DSCAM: variants seen among roughly 807,000 people sequenced by gnomAD.
DSCAM encodes DS cell adhesion molecule.
DSCAM carries 47 observed loss-of-function variants against 217.7 expected under a neutral mutation model. That is an observed-to-expected ratio of 0.22 (90% confidence interval 0.17 to 0.28). DSCAM has a LOEUF of 0.28. Ranked by LOEUF, DSCAM falls within the 10% of genes least tolerant of loss-of-function variation. DSCAM has a pLI of 1.00. For missense variants in DSCAM, 2,080 were observed against 2,618.3 expected, an observed-to-expected ratio of 0.79 and a Z score of 4.49; for synonymous variants, 1,056 against 1,015.3, an observed-to-expected ratio of 1.04 and a Z score of -0.76.
chr21:40,808,855 C>G (rs376402057), intron 1 of DSCAM, among the ~76,000 whole-genome samples: 4 of 152,176 alleles, frequency 2.6e-5, no homozygotes, highest in African/African-American at 9.7e-5. Flanking sequence ...ACCCCAAAGG[C>G]AAACGCCATT....
intron 3 of DSCAM, among the ~76,000 whole-genome samples, chr21:40,463,813 G>T (rs779578554): frequency 6.6e-6 from 1 of 152,156 alleles, no homozygotes; most frequent in Non-Finnish European, 1.5e-5. Flanking sequence ...TCCATCATTT[G>T]TCTTCTCATC....
At chr21:40,255,281 G>A (rs555506408) in intron 11 of DSCAM, among the ~76,000 whole-genome samples, 1 of 152,196 alleles carries the variant, frequency 6.6e-6, no homozygotes, top group South Asian at 2.1e-4. Context: ...TCATGAAGCC[G>A]GGTTCCGCTC....
At chr21:40,537,800 T>C (rs949322564) in intron 3 of DSCAM, among the ~76,000 whole-genome samples, 4 of 152,194 alleles carry the variant, frequency 2.6e-5, no homozygotes, top group Non-Finnish European at 1.5e-5. Context: ...GCTGACTCCT[T>C]GATCTCAGAA....
intron 3 of DSCAM, among the ~76,000 whole-genome samples, chr21:40,536,235 G>A (rs2076495157): frequency 6.6e-6 from 1 of 152,104 alleles, no homozygotes; most frequent in South Asian, 2.1e-4. Flanking sequence ...GTTGAGTTGT[G>A]ACCCCCTAAA....
chr21:40,841,316 G>A (rs917099423), intron 1 of DSCAM, among the ~76,000 whole-genome samples: 7 of 152,128 alleles, frequency 4.6e-5, no homozygotes, highest in African/African-American at 1.7e-4. Flanking sequence ...AATTCAGAAC[G>A]ACATAGTGGA....
chr21:40,507,202 TG>T (rs1486862706), intron 3 of DSCAM, among the ~76,000 whole-genome samples: 5 of 151,942 alleles, frequency 3.3e-5, no homozygotes, highest in South Asian at 4.2e-4. Flanking sequence ...GCTTAAACCC[TG>T]GAGGCAGAGG....
At chr21:40,541,262 T>C (rs1164057175) in intron 3 of DSCAM, among the ~76,000 whole-genome samples, 1 of 152,210 alleles carries the variant, frequency 6.6e-6, no homozygotes, top group Non-Finnish European at 1.5e-5. Context: ...ATTGCCTCTA[T>C]TTCAATACTT....
rs112608186 is a variant in DSCAM at position 40,370,663 on chromosome 21, C to T, written c.509-1418G>A. The stretch of plus-strand genomic sequence containing the variant: ...TGAGATAAGGTCTGGCTGTATTATC[C>T]AGGCTGTGGTGCAGTGGTATCATCT... On this transcript the variant is annotated intron_variant, in intron 3 of 32. Transcript: ENST00000400454. Among the ~76,000 whole-genome samples the T allele has an allele frequency of 5.2e-3, 785 of 151,966 alleles. 3 individuals are homozygous for T. The highest frequency in any genetic ancestry group is 0.017 in the African/African-American group (715 of 41,404).
At chr21:40,834,236 G>T (rs947029629) in intron 1 of DSCAM, among the ~76,000 whole-genome samples, 2 of 151,492 alleles carry the variant, frequency 1.3e-5, no homozygotes, top group Non-Finnish European at 2.9e-5. Flanking sequence ...GTGAAACCCC[G>T]TCTCTACTAA....
chr21:40,396,965 A>C (rs905082654), intron 3 of DSCAM, among the ~76,000 whole-genome samples: 1 of 152,148 alleles, frequency 6.6e-6, no homozygotes, highest in Non-Finnish European at 1.5e-5. Flanking sequence ...GAGGTACCAG[A>C]CCCTCACCTA....
At chr21:40,320,903 T>C (rs1473204874) in intron 8 of DSCAM, among the ~76,000 whole-genome samples, 2 of 152,180 alleles carry the variant, frequency 1.3e-5, no homozygotes, top group Non-Finnish European at 2.9e-5. Context: ...AGTCACCATC[T>C]CTGTTCATTT....
chr21:40,013,928 T>TTACC (rs1400871129), intron 32 of DSCAM, among the ~76,000 whole-genome samples: 1 of 152,238 alleles, frequency 6.6e-6, no homozygotes, highest in Non-Finnish European at 1.5e-5. Flanking sequence ...TATGGCCTTC[T>TTACC]TACCAGGCCC....
At chr21:40,479,906 AT>A (rs1569140717) in intron 3 of DSCAM, among the ~76,000 whole-genome samples, 1 of 152,214 alleles carries the variant, frequency 6.6e-6, no homozygotes, top group Non-Finnish European at 1.5e-5. Context: ...GTACATGCGT[AT>A]GCATGTACGC....
chr21:40,519,806 G>A (rs940120154), intron 3 of DSCAM, among the ~76,000 whole-genome samples: 1 of 151,826 alleles, frequency 6.6e-6, no homozygotes, highest in South Asian at 2.1e-4. Context: ...AATTGTGTGG[G>A]CCAATTTCTT....
At chr21:40,817,964 C>T (rs943094080) in intron 1 of DSCAM, among the ~76,000 whole-genome samples, 8 of 150,998 alleles carry the variant, frequency 5.3e-5, no homozygotes, top group South Asian at 2.1e-4. Flanking sequence ...GGCGCGGTGG[C>T]GGGCGCCTGT....
intron 11 of DSCAM, among the ~76,000 whole-genome samples, chr21:40,206,479 A>G (rs1303421415): frequency 6.6e-6 from 1 of 152,098 alleles, no homozygotes; most frequent in Non-Finnish European, 1.5e-5. Context: ...GTACAATGGT[A>G]CAGCTGGGTA....
chr21:40,761,752 T>C (rs1390566526), intron 1 of DSCAM, among the ~76,000 whole-genome samples: 1 of 152,222 alleles, frequency 6.6e-6, no homozygotes, highest in African/African-American at 2.4e-5. Context: ...AGAAGAGTAC[T>C]TTCAGGGATC....
intron 1 of DSCAM, among the ~76,000 whole-genome samples, chr21:40,713,081 C>T (rs927253414): frequency 1.3e-5 from 2 of 152,192 alleles, no homozygotes; most frequent in African/African-American, 2.4e-5. Context: ...GTGTCTTGTT[C>T]AACAATGCTG....
rs755767800 is a variant in DSCAM at position 40,605,791 on chromosome 21, C to CTTTTTTTTTTT, written c.508+87008_508+87018dup. 9.7e-5 allele frequency among the ~76,000 whole-genome samples: 6 copies of CTTTTTTTTTTT among 61,994 alleles called. 1 individual carries two copies. The highest frequency in any genetic ancestry group is 7.4e-4 in the South Asian group (1 of 1,344). The allele number at this position is 61,994 out of a possible 152,430, so 40.7% of individuals were successfully genotyped here. ...CTTATATATGTGCTTAATGCACATT[C>CTTTTTTTTTTT]TTTTTTTTTTTTTTTTTTTTTTTTT... is the stretch of plus-strand genomic sequence containing the variant. On this transcript the variant is annotated intron_variant, in intron 3 of 32. Coordinates refer to ENST00000400454, the MANE Select transcript of DSCAM (RefSeq NM_001389.5).
Sources: allele counts gnomAD v4.1 joint callset (sites outside exome capture counted in the v4.1 genomes callset), GRCh38; gene constraint gnomAD v4.1.1; transcripts MANE v1.5; gene names NCBI Gene and HGNC (gene_info 2026-07-23, HGNC 2026-07-21).